VAPA: variants seen among roughly 807,000 people sequenced by gnomAD.
VAPA encodes vesicle-associated membrane protein-associated protein A.
VAPA carries 6 observed loss-of-function variants against 25.6 expected under a neutral mutation model. The observed-to-expected ratio is 0.23, with a 90% CI of 0.13 to 0.46. The LOEUF (loss-of-function observed/expected upper bound fraction) is 0.46, where lower values mean the gene tolerates loss of function less well. Ranked by LOEUF, VAPA falls within the 20% of genes least tolerant of loss-of-function variation. VAPA has a pLI of 0.99. For synonymous variants in VAPA, 112 were observed against 106.2 expected (o/e 1.05, Z -0.34); for missense variants, 244 against 302.1 (o/e 0.81, Z 1.43).
rs570531920 is a variant in VAPA at position 9,952,652 on chromosome 18, A to T, written c.592-1401A>T. ...CACAGGCCCACCATAATTTTTTGCCAGGTTCACTTTCTTGCTCCTGTCTGT... is the reference window on the plus strand; with the variant it reads ...CACAGGCCCACCATAATTTTTTGCCTGGTTCACTTTCTTGCTCCTGTCTGT... On this transcript the variant is annotated intron_variant, in intron 5 of 5. Transcript: ENST00000400000. Among the ~76,000 whole-genome samples, 443 of 151,416 alleles carry T rather than the reference A, an allele frequency of 2.9e-3. 3 individuals are homozygous for T. Among genetic ancestry groups the T allele is most frequent in the African/African-American group, 0.01 (423 of 41,288 alleles).
intron 2 of VAPA, among the ~76,000 whole-genome samples, chr18:9,934,910 C>T (rs1227848653): frequency 5.3e-5 from 8 of 151,762 alleles, no homozygotes; most frequent in Admixed American, 1.3e-4. Flanking sequence ...CTGGATAACA[C>T]GGTGAAACCC....
chr18:9,920,078 G>A (rs572613097), intron 1 of VAPA, among the ~76,000 whole-genome samples: 6 of 152,302 alleles, frequency 3.9e-5, no homozygotes, highest in African/African-American at 1.4e-4. Flanking sequence ...AGAAACGGTG[G>A]ATGTCTGGAT....
Position 9,932,464 on chromosome 18 carries a change from A to G in VAPA, c.232+502A>G, listed in dbSNP as rs2240904. 9.2e-3 allele frequency among the ~76,000 whole-genome samples: 1,391 copies of G among 151,832 alleles called. 28 individuals are homozygous for G. The highest frequency in any genetic ancestry group is 0.091 in the East Asian group (467 of 5,160). On this transcript the variant is annotated intron_variant, in intron 2 of 5. Transcript: ENST00000400000. ...GTGAAAACTTTATTTTTATTTTACTACTCTCTTATGTGTTTACTTGTCAAA... is the reference window on the plus strand; with the variant it reads ...GTGAAAACTTTATTTTTATTTTACTGCTCTCTTATGTGTTTACTTGTCAAA...
rs2069086451 is a variant in VAPA, at chr18:9,914,023, G to A, written c.-234G>A. 4 of 453,112 alleles carry A rather than the reference G, an allele frequency of 8.8e-6. No homozygotes were observed. The highest frequency in any genetic ancestry group is 1.2e-5 in the Non-Finnish European group (3 of 253,660). 28.1% of individuals were successfully genotyped at this position (453,112 alleles called of 1,614,324 possible). A position where few individuals can be genotyped will look rare whatever the true frequency, so the allele number is the denominator to read the frequency against. On this transcript the variant is annotated 5_prime_UTR_variant, in exon 1 of 6. Transcript: ENST00000400000. Reference sequence around the variant, plus strand: ...GCCGTCACGTGGGTCGCCGAGGCTCGCAAGTGCGCGTGGCCGTGGCGGCTG... The same window carrying A: ...GCCGTCACGTGGGTCGCCGAGGCTCACAAGTGCGCGTGGCCGTGGCGGCTG...
intron 4 of VAPA, 99 bp downstream of exon 4, chr18:9,937,165 G>C (rs2069319486): frequency 1.2e-6 from 1 of 832,926 alleles, no homozygotes; most frequent in Non-Finnish European, 1.9e-6. Flanking sequence ...TGTGTGATAT[G>C]GCTATTACAC....
intron 1 of VAPA, among the ~76,000 whole-genome samples, chr18:9,930,269 G>A (rs1192764031): frequency 1.3e-5 from 2 of 152,078 alleles, no homozygotes; most frequent in African/African-American, 2.4e-5. Context: ...TTTGTGACAT[G>A]TCTTTTTGTC....
At chr18:9,928,067 A>G (rs1013501810) in intron 1 of VAPA, among the ~76,000 whole-genome samples, 2 of 152,148 alleles carry the variant, frequency 1.3e-5, no homozygotes, top group African/African-American at 4.8e-5. Flanking sequence ...GTTTCTATCA[A>G]TACTTTTGAT....
intron 1 of VAPA, among the ~76,000 whole-genome samples, chr18:9,916,991 A>G (rs928561609): frequency 6.6e-6 from 1 of 152,188 alleles, no homozygotes; most frequent in Non-Finnish European, 1.5e-5. Flanking sequence ...GCAGACACCA[A>G]CTATTTCAGT....
intron 1 of VAPA, among the ~76,000 whole-genome samples, chr18:9,916,454 A>G (rs1344657579): frequency 6.6e-6 from 1 of 152,180 alleles, no homozygotes; most frequent in East Asian, 1.9e-4. Context: ...TTTTCATTTC[A>G]GGGGAGGTTT....
At position 9,954,464 on chromosome 18, in the gene VAPA, G is replaced by A; in HGVS notation, c.*253G>A. 2.8e-6 allele frequency: 1 copy of A among 360,628 alleles called. No individual in the cohort carries two copies. The highest frequency in any genetic ancestry group is 4.9e-6 in the Non-Finnish European group (1 of 203,698). 22.3% of individuals were successfully genotyped at this position (360,628 alleles called of 1,614,324 possible). ...GTCAGTTGCACATTGAGTCCTTTAT[G>A]AAATTCATAAATAAAGAATTGTTCT... On this transcript the variant is annotated 3_prime_UTR_variant, in exon 6 of 6. Coordinates refer to ENST00000400000, the MANE Select transcript of VAPA (RefSeq NM_194434.3).
intron 5 of VAPA, 116 bp from the exon 6 acceptor site, chr18:9,953,937 G>A (rs894321520): frequency 7.8e-6 from 10 of 1,277,208 alleles, no homozygotes; most frequent in South Asian, 3.9e-5. Context: ...CCCCTTTTCC[G>A]TCCCCAGCCA....
At chr18:9,917,350 G>C (rs889273090) in intron 1 of VAPA, among the ~76,000 whole-genome samples, 2 of 151,844 alleles carry the variant, frequency 1.3e-5, no homozygotes, top group Non-Finnish European at 2.9e-5. Flanking sequence ...TGTTGCAGTG[G>C]CTCGATCTCG....
At position 9,953,725 on chromosome 18, in the gene VAPA, T is replaced by C. The variant is rs574685086; in HGVS notation, c.592-328T>C. 5.9e-5 allele frequency among the ~76,000 whole-genome samples: 9 copies of C among 152,348 alleles called. No homozygotes were observed. In the East Asian group the frequency reaches 1.7e-3, roughly 29 times the overall value. On this transcript the variant is annotated intron_variant, in intron 5 of 5. Transcript: ENST00000400000. ...TTTAAAAAAAGGTAAATATAGCCTA[T>C]CTAACTTTTGCTTTTTAGGAATACA...
intron 1 of VAPA, among the ~76,000 whole-genome samples, chr18:9,931,272 T>C (rs1431529652): frequency 6.6e-6 from 1 of 152,232 alleles, no homozygotes; most frequent in African/African-American, 2.4e-5. Flanking sequence ...GAACCAAAGC[T>C]TAAAAACTTT....
Position 9,931,819 on chromosome 18 carries a change from C to T in VAPA, c.89C>T (p.Thr30Ile). ...PTDLKFKGPF[T>I]DVVTTNLKLR... is the part of the protein sequence containing the mutation. Reference sequence around the variant, plus strand: ...TTTTTAAACTTTACAGGCCCCTTCACAGATGTAGTCACTACAAATCTTAAA... The same window carrying T: ...TTTTTAAACTTTACAGGCCCCTTCATAGATGTAGTCACTACAAATCTTAAA... Residue 30 changes from threonine (T) to isoleucine (I), a missense_variant, in exon 2 of 6, where the codon ACA becomes ATA. Thr to Ile is a moderately conservative substitution (Grantham distance 89, BLOSUM62 -1). Transcript: ENST00000400000. 6.2e-7 allele frequency: 1 copy of T among 1,610,438 alleles called. No individual in the cohort carries two copies. Among genetic ancestry groups the T allele is most frequent in the Non-Finnish European group, 8.5e-7 (1 of 1,178,912 alleles).
At position 9,948,418 on chromosome 18, in the gene VAPA, T is replaced by C. The variant is rs146721731; in HGVS notation, c.418-1977T>C. The C allele has an allele frequency of 6.6e-4, 101 of 152,284 alleles. 3 individuals carry two copies. Among genetic ancestry groups the C allele is most frequent in the African/African-American group, 2.2e-3 (93 of 41,564 alleles). 9.4% of individuals were successfully genotyped at this position (152,284 alleles called of 1,614,324 possible). On this transcript the variant is annotated intron_variant, in intron 4 of 5. Coordinates refer to ENST00000400000, the MANE Select transcript of VAPA (RefSeq NM_194434.3). ...TTAATAATAGTAATATAAATAATAG[T>C]TTTGTTGATTTGACAAGATTGTGAG...
intron 4 of VAPA, among the ~76,000 whole-genome samples, chr18:9,942,674 A>G (rs981429362): frequency 5.3e-5 from 8 of 152,158 alleles, no homozygotes; most frequent in Non-Finnish European, 1.2e-4. Flanking sequence ...ACTTCTAGTC[A>G]TGGTGGAGGG....
chr18:9,923,794 A>T (rs955723993), intron 1 of VAPA: 2 of 152,216 alleles, frequency 1.3e-5, no homozygotes, highest in Non-Finnish European at 2.9e-5. Context: ...TTTTTCTTCC[A>T]GGATTTTACA....
intron 1 of VAPA, among the ~76,000 whole-genome samples, chr18:9,931,119 G>GTT (rs997611371): frequency 2.6e-5 from 4 of 152,136 alleles, no homozygotes; most frequent in Non-Finnish European, 5.9e-5. Flanking sequence ...ACTGGAACAT[G>GTT]TTTTTATGTT....
Sources: allele counts gnomAD v4.1 joint callset (sites outside exome capture counted in the v4.1 genomes callset), GRCh38; gene constraint gnomAD v4.1.1; transcripts MANE v1.5; gene names NCBI Gene and HGNC (gene_info 2026-07-23, HGNC 2026-07-21).